ZMIZ2: variants seen among roughly 807,000 people sequenced by gnomAD.
ZMIZ2 encodes zinc finger MIZ domain-containing protein 2.
A neutral mutation model predicts 93.9 loss-of-function variants in ZMIZ2; 26 were observed. The ratio of observed to expected loss-of-function variants is 0.28; its 90% confidence interval spans 0.20 to 0.38. The LOEUF (loss-of-function observed/expected upper bound fraction) is 0.38, where lower values mean the gene tolerates loss of function less well. Among genes scored for constraint, ZMIZ2 ranks in the 10% least tolerant of loss-of-function variants. The pLI, the probability that ZMIZ2 is intolerant of heterozygous loss-of-function variation, is 1.00. For missense variants in ZMIZ2, 1,023 were observed against 1,235.0 expected, an observed-to-expected ratio of 0.83 and a Z score of 2.57; for synonymous variants, 485 against 516.4, an observed-to-expected ratio of 0.94 and a Z score of 0.82.
rs1791205321 is a variant in ZMIZ2, at chr7:44,761,776, C to T, written c.1467C>T (p.Val489=). 1 of 1,614,002 alleles carries T rather than the reference C, an allele frequency of 6.2e-7. No individual in the cohort carries two copies. Among genetic ancestry groups the T allele is most frequent in the South Asian group, 1.1e-5 (1 of 91,078 alleles). Residue 489 remains valine, a synonymous_variant, in exon 11 of 19, where the codon GTC becomes GTT. Transcript: ENST00000309315. The surrounding 1 kb of genome is among the most constrained non-coding windows in gnomAD (Gnocchi z 5.8). ...MNTNWPASVQ[V]SVNATPLTIE... is the part of the protein sequence containing the mutation. Reference sequence around the variant, plus strand: ...CCAACTGGCCAGCCTCGGTGCAGGTCAGCGTCAATGCCACGCCGCTCACCA... The same window carrying T: ...CCAACTGGCCAGCCTCGGTGCAGGTTAGCGTCAATGCCACGCCGCTCACCA...
Position 44,759,314 on chromosome 7 carries a change from C to A in ZMIZ2, c.847C>A (p.Gln283Lys). 1 of 1,584,508 alleles carries A rather than the reference C, an allele frequency of 6.3e-7. No homozygotes were observed. Residue 283 changes from glutamine to lysine, a missense_variant, in exon 7 of 19, where the codon CAG becomes AAG. Around this residue, in one of 3 missense-constraint regions of ZMIZ2, gnomAD observed 656 missense variants for 777.1 expected, o/e 0.84. Coordinates refer to ENST00000309315, the MANE Select transcript of ZMIZ2 (RefSeq NM_031449.4). ...AGGGCAGCAGTATCTGCAAGGAGGCCAGTATGCACCCAGCACCGCCCAGTT... is the reference window on the plus strand; with the variant it reads ...AGGGCAGCAGTATCTGCAAGGAGGCAAGTATGCACCCAGCACCGCCCAGTT... ...YPGQQYLQGG[Q>K]YAPSTAQFAP...
rs1790928555 is a variant in ZMIZ2 at position 44,759,316 on chromosome 7, G to A, written c.849G>A (p.Gln283=). Residue 283 remains glutamine (Q), a synonymous_variant, in exon 7 of 19, where the codon CAG becomes CAA. Transcript: ENST00000309315. ...GGCAGCAGTATCTGCAAGGAGGCCA[G>A]TATGCACCCAGCACCGCCCAGTTTG... The part of the protein sequence containing the change: ...YPGQQYLQGG[Q]YAPSTAQFAP... The A allele has an allele frequency of 1.3e-6, 2 of 1,589,732 alleles. No individual in the cohort carries two copies. Among genetic ancestry groups the A allele is most frequent in the Admixed American group, 1.8e-5 (1 of 56,480 alleles).
chr7:44,751,967 GAAA>G (rs575364142), intron 1 of ZMIZ2, among the ~76,000 whole-genome samples: 1 of 136,426 alleles, frequency 7.3e-6, no homozygotes, highest in African/African-American at 2.7e-5. Context: ...ATCTCAAAAA[GAAA>G]AAAAAAAAAT....
In ZMIZ2 at chr7:44,766,832, G is replaced by A. The variant is rs1455887539; in HGVS notation, c.2655+169G>A. 6.6e-6 allele frequency among the ~76,000 whole-genome samples: 1 copy of A among 152,202 alleles called. No homozygotes were observed. The highest frequency in any genetic ancestry group is 6.5e-5 in the Admixed American group (1 of 15,292). The stretch of plus-strand genomic sequence containing the variant: ...TGAATTAGATACCTGGAGTAGCTGC[G>A]GGTGGGATGCGATGTACCACATTTG... On this transcript the variant is annotated intron_variant, in intron 18 of 18. Coordinates refer to ENST00000309315, the MANE Select transcript of ZMIZ2 (RefSeq NM_031449.4). The surrounding 1 kb of genome is among the most constrained non-coding windows in gnomAD (Gnocchi z 4.4).
chr7:44,766,308 A>T lies in ZMIZ2; in HGVS notation c.2387A>T (p.Lys796Met), dbSNP rs367996607. ...DIPSSLLTSE[K>M]STACLPSQMA... ...CCCAGCAGCCTCCTGACTTCAGAGA[A>T]GTCTACCGCCTGCCTCCCAAGCCAG... Residue 796 changes from lysine (K) to methionine (M), a missense_variant, in exon 17 of 19, where the codon AAG becomes ATG. Lys to Met is a moderately conservative substitution (Grantham distance 95). Coordinates refer to ENST00000309315, the MANE Select transcript of ZMIZ2 (RefSeq NM_031449.4). This position sits in a 1 kb window ranked among gnomAD's most constrained non-coding sequence, Gnocchi z 4.4. The T allele has an allele frequency of 2.5e-6, 4 of 1,595,390 alleles. No individual in the cohort carries two copies. The highest frequency in any genetic ancestry group is 3.4e-6 in the Non-Finnish European group (4 of 1,171,544).
rs777409281 is a variant in ZMIZ2, at chr7:44,760,271, G to T, written c.1071+43G>T. On this transcript the variant is annotated intron_variant, in intron 8 of 18. Transcript: ENST00000309315. The stretch of plus-strand genomic sequence containing the variant: ...GAGGATGGGCCGGGAGGCTCACAGG[G>T]TGGGCATATGGAGAGAGGGCGACCG... 1.9e-6 allele frequency: 3 copies of T among 1,594,184 alleles called. No individual in the cohort carries two copies. The Admixed American group carries it at 5.2e-5, about 28-fold the overall frequency.
At chr7:44,760,680 G>A (rs533201107) in intron 9 of ZMIZ2, 87 bp downstream of exon 9, 1 of 1,507,942 alleles carries the variant, frequency 6.6e-7, no homozygotes. Context: ...TCCTGTAGGA[G>A]CTTGGGGGAC....
rs749787813 is a variant in ZMIZ2, at chr7:44,761,949, G to C, written c.1596+44G>C. 2 of 1,563,056 alleles carry C rather than the reference G, an allele frequency of 1.3e-6. No individual in the cohort carries two copies. Among genetic ancestry groups the C allele is most frequent in the Admixed American group, 1.8e-5 (1 of 56,626 alleles). Reference sequence around the variant, plus strand: ...GGGGGCGGTGCTGTGGCGTGGGGCGGGGTGTGGTGGGGCCTGGCCCAGCGG... The same window carrying C: ...GGGGGCGGTGCTGTGGCGTGGGGCGCGGTGTGGTGGGGCCTGGCCCAGCGG... On this transcript the variant is annotated intron_variant, in intron 11 of 18. Coordinates refer to ENST00000309315, the MANE Select transcript of ZMIZ2 (RefSeq NM_031449.4). This position sits in a 1 kb window ranked among gnomAD's most constrained non-coding sequence, Gnocchi z 5.8.
At position 44,759,631 on chromosome 7, in the gene ZMIZ2, G is replaced by C. The variant is rs1161898678; in HGVS notation, c.993+171G>C. ...CAGCTCTACAGGAGATGGGGGGTGG[G>C]GGGTGGGGGCATTCTGACCAGTGCA... On this transcript the variant is annotated intron_variant, in intron 7 of 18. Transcript: ENST00000309315. 1.5e-4 allele frequency: 47 copies of C among 320,368 alleles called. 1 individual carries two copies. Among genetic ancestry groups the C allele is most frequent in the Admixed American group, 3.0e-4 (6 of 20,334 alleles). The allele number at this position is 320,368 out of a possible 1,614,324, so 19.8% of individuals were successfully genotyped here. A position where few individuals can be genotyped will look rare whatever the true frequency, so the allele number is the denominator to read the frequency against.
In ZMIZ2 at chr7:44,767,635, C is replaced by A; in HGVS notation, c.*12C>A. The A allele has an allele frequency of 2.5e-6, 4 of 1,611,520 alleles. No homozygotes were observed. Among genetic ancestry groups the A allele is most frequent in the Non-Finnish European group, 3.4e-6 (4 of 1,177,702 alleles). On this transcript the variant is annotated 3_prime_UTR_variant, in exon 19 of 19. Coordinates refer to ENST00000309315, the MANE Select transcript of ZMIZ2 (RefSeq NM_031449.4). ...TTGAGAACAACTGATCCTGTGTTTA[C>A]CCCAAGCCCGGCGGGGACACGCTCA...
At chr7:44,751,069 G>A (rs1790101539) in intron 1 of ZMIZ2, 1 of 152,246 alleles carries the variant, frequency 6.6e-6, no homozygotes, top group Admixed American at 6.5e-5. Context: ...GGGTCGGCAG[G>A]AAATCCCCCT....
At chr7:44,754,614 C>T (rs998080924) in intron 1 of ZMIZ2, among the ~76,000 whole-genome samples, 1 of 152,176 alleles carries the variant, frequency 6.6e-6, no homozygotes, top group African/African-American at 2.4e-5. Context: ...GAGGCTGTTC[C>T]TACCTCCATT....
intron 1 of ZMIZ2, among the ~76,000 whole-genome samples, chr7:44,753,216 T>G (rs1209827849): frequency 6.6e-6 from 1 of 152,016 alleles, no homozygotes; most frequent in East Asian, 1.9e-4. Flanking sequence ...TTTTAATTTT[T>G]TTTTTTTTTA....
At chr7:44,756,752 G>A in intron 3 of ZMIZ2, 195 bp from the exon 4 acceptor site, 7 of 796,542 alleles carry the variant, frequency 8.8e-6, no homozygotes, top group Non-Finnish European at 1.4e-5. Flanking sequence ...TTCTTCTCCT[G>A]TCTTCACCTA....
At chr7:44,758,231 G>A in intron 6 of ZMIZ2, 123 bp downstream of exon 6, 1 of 1,294,244 alleles carries the variant, frequency 7.7e-7, no homozygotes, top group Non-Finnish European at 1.0e-6. Flanking sequence ...TGTAGTCCCT[G>A]CACTTTGGGA....
chr7:44,762,787 A>T, intron 11 of ZMIZ2, 94 bp from the exon 12 acceptor site: 1 of 489,438 alleles, frequency 2.0e-6, no homozygotes, highest in Non-Finnish European at 2.9e-6. Context: ...CCCACCTGGC[A>T]GCCCCTGACA....
At chr7:44,758,951 G>A (rs2116752186) in intron 6 of ZMIZ2, among the ~76,000 whole-genome samples, 1 of 151,100 alleles carries the variant, frequency 6.6e-6, no homozygotes, top group East Asian at 1.9e-4. Flanking sequence ...GCGTGGTGGT[G>A]TGCACCTGTA....
Position 44,765,949 on chromosome 7 carries a change from C to T in ZMIZ2, c.2243-215C>T, listed in dbSNP as rs1791668378. 6 of 1,404,048 alleles carry T rather than the reference C, an allele frequency of 4.3e-6. No individual in the cohort carries two copies. Among genetic ancestry groups the T allele is most frequent in the East Asian group, 2.7e-5 (1 of 37,714 alleles). The allele number at this position is 1,404,048 out of a possible 1,614,324, so 87.0% of individuals were successfully genotyped here. ...TGGCTGCTCCCATTCCTATAACCTCCGAGACCTTCACTCCTAGGAATGTCC... is the reference window on the plus strand; with the variant it reads ...TGGCTGCTCCCATTCCTATAACCTCTGAGACCTTCACTCCTAGGAATGTCC... On this transcript the variant is annotated intron_variant, in intron 16 of 18. Coordinates refer to ENST00000309315, the MANE Select transcript of ZMIZ2 (RefSeq NM_031449.4). The surrounding 1 kb of genome is among the most constrained non-coding windows in gnomAD (Gnocchi z 4.1).
intron 1 of ZMIZ2, chr7:44,751,175 G>A (rs1790112016): frequency 6.6e-6 from 1 of 152,300 alleles, no homozygotes; most frequent in African/African-American, 2.4e-5. Flanking sequence ...AGGCTCATGT[G>A]ACATAGGAGC....
Sources: gnomAD v4.1 joint callset for allele counts (sites outside exome capture counted in the v4.1 genomes callset) on GRCh38, gnomAD v4.1.1 for gene constraint, gnomAD v4.1.1 regional missense constraint, Gnocchi (gnomAD v3.1) non-coding constraint, MANE v1.5 for transcripts, NCBI Gene and HGNC (gene_info 2026-07-23, HGNC 2026-07-21) for gene names.